Variants in PCDHA7 observed in about 807,000 individuals in gnomAD.
PCDHA7 encodes protocadherin alpha 7.
Under a neutral mutation model 57.2 loss-of-function variants are expected in PCDHA7, and 37 were observed. The ratio of observed to expected loss-of-function variants is 0.65; its 90% CI spans 0.50 to 0.85. The LOEUF (loss-of-function observed/expected upper bound fraction) is 0.85, where lower values mean the gene tolerates loss of function less well. Ranked by LOEUF, PCDHA7 falls within the 40% of genes least tolerant of loss-of-function variation. The pLI is 0.00. For synonymous variants in PCDHA7, 553 were observed against 558.8 expected (o/e 0.99, Z 0.15); for missense variants, 1,188 against 1,241.8 (o/e 0.96, Z 0.65).
At chr5:140,869,521 C>G (rs782236624) in intron 1 of PCDHA7, 1 of 1,614,182 alleles carries the variant, frequency 6.2e-7, no homozygotes, top group Non-Finnish European at 8.5e-7. Context: ...AGAACAAAAG[C>G]TGCTGATTGC....
rs2052689459 is a variant in PCDHA7, at chr5:140,871,081, G to T, written c.2355+34343G>T. 9 of 1,613,214 alleles carry T rather than the reference G, an allele frequency of 5.6e-6. No homozygotes were observed. The African/African-American group carries it at 6.7e-5, about 12-fold the overall frequency. On this transcript the variant is annotated intron_variant, in intron 1 of 3. Coordinates refer to ENST00000525929, the MANE Select transcript of PCDHA7 (RefSeq NM_018910.3). ...GGATCACGGTGAGCCGGCGCTGACG[G>T]CCACGGCCACCGTGCTGGTGTCGTT... is the stretch of plus-strand genomic sequence containing the variant.
intron 1 of PCDHA7, among the ~76,000 whole-genome samples, chr5:140,933,676 A>AT (rs1400784175): frequency 6.6e-6 from 1 of 151,552 alleles, no homozygotes; most frequent in Non-Finnish European, 1.5e-5. Context: ...TCTCTCTCAC[A>AT]TTTTTTTTCC....
At chr5:140,969,091 G>A (rs1554231442) in intron 1 of PCDHA7, 3 of 1,614,152 alleles carry the variant, frequency 1.9e-6, no homozygotes, top group Admixed American at 1.7e-5. Context: ...TCAAAGTGCA[G>A]CCTCACTTCA....
At chr5:140,871,113 G>A (rs782238733) in intron 1 of PCDHA7, 24 of 1,613,188 alleles carry the variant, frequency 1.5e-5, no homozygotes, top group South Asian at 7.7e-5. Flanking sequence ...CGTTGGTGGA[G>A]AGCGGACAGG....
At chr5:140,863,693 C>G (rs2048122696) in intron 1 of PCDHA7, 2 of 301,444 alleles carry the variant, frequency 6.6e-6, no homozygotes, top group African/African-American at 2.2e-5. Flanking sequence ...TTTTGAGATG[C>G]TTTATTTAAA....
At chr5:140,869,725 C>T (rs1326402140) in intron 1 of PCDHA7, 1 of 1,613,284 alleles carries the variant, frequency 6.2e-7, no homozygotes, top group Non-Finnish European at 8.5e-7. Flanking sequence ...AACTCCGGAA[C>T]TTAATTTGCT....
Position 140,841,444 on chromosome 5 carries a change from C to A in PCDHA7, c.2355+4706C>A, listed in dbSNP as rs2150315677. 7.4e-6 allele frequency: 12 copies of A among 1,612,806 alleles called. No individual in the cohort carries two copies. In the South Asian group the frequency reaches 8.8e-5, roughly 12 times the overall value. On this transcript the variant is annotated intron_variant, in intron 1 of 3. Coordinates refer to ENST00000525929, the MANE Select transcript of PCDHA7 (RefSeq NM_018910.3). ...ACTCCGTCCCCGAGGAGGCCAAACA[C>A]GGCACCTTCGTGGGCCGGATCGCGC... is the stretch of plus-strand genomic sequence containing the variant.
chr5:140,976,819 T>C (rs1380206599), intron 1 of PCDHA7, among the ~76,000 whole-genome samples: 3 of 152,222 alleles, frequency 2.0e-5, no homozygotes, highest in Admixed American at 2.0e-4. Flanking sequence ...TATGCATGTG[T>C]CTAATGAGCA....
chr5:140,863,488 A>G (rs1554158271), intron 1 of PCDHA7: 1 of 451,898 alleles, frequency 2.2e-6, no homozygotes, highest in Admixed American at 2.5e-5. Context: ...CCCAAGGTCA[A>G]CATTACGGCT....
At chr5:140,972,708 G>C (rs1309799075) in intron 1 of PCDHA7, among the ~76,000 whole-genome samples, 1 of 146,140 alleles carries the variant, frequency 6.8e-6, no homozygotes, top group East Asian at 2.0e-4. Context: ...TCTGTTGCCA[G>C]GCTGGAGTGC....
At chr5:140,877,655 C>T (rs868936879) in intron 1 of PCDHA7, 4 of 1,613,562 alleles carry the variant, frequency 2.5e-6, no homozygotes, top group South Asian at 2.2e-5. Context: ...GCGCCGCCCA[C>T]CGTGAGCCGG....
intron 1 of PCDHA7, among the ~76,000 whole-genome samples, chr5:140,916,018 T>C (rs550604062): frequency 6.6e-6 from 1 of 152,254 alleles, no homozygotes; most frequent in East Asian, 1.9e-4. Flanking sequence ...ACAAAGTCTT[T>C]CCCATTCTTC....
chr5:140,850,756 G>A (rs2150497273), intron 1 of PCDHA7: 1 of 1,598,098 alleles, frequency 6.3e-7, no homozygotes, highest in Non-Finnish European at 8.6e-7. Context: ...TCGCAGCAGA[G>A]GAGGCAGAGG....
intron 1 of PCDHA7, chr5:140,847,315 A>C (rs2150398811): frequency 1.3e-5 from 2 of 149,940 alleles, no homozygotes; most frequent in Non-Finnish European, 3.0e-5. Context: ...AATCAAGGAC[A>C]GAAGCAATTG....
intron 1 of PCDHA7, chr5:140,843,080 G>A (rs1554139718): frequency 2.5e-6 from 4 of 1,595,426 alleles, no homozygotes; most frequent in African/African-American, 2.7e-5. Context: ...GTCTGTGGGC[G>A]CGGGCCACGT....
intron 3 of PCDHA7, among the ~76,000 whole-genome samples, chr5:140,999,845 T>C (rs1293721817): frequency 6.6e-6 from 1 of 152,188 alleles, no homozygotes; most frequent in African/African-American, 2.4e-5. Context: ...CAAGTGTATT[T>C]ATCTCTTCCG....
Position 140,835,520 on chromosome 5 carries a change from T to G in PCDHA7, c.1137T>G (p.Phe379Leu). Residue 379 changes from phenylalanine (F) to leucine (L), a missense_variant, in exon 1 of 4, where the codon TTT becomes TTG. This residue lies in a region of PCDHA7 where 892 missense variants were observed against 788.5 expected (regional missense o/e 1.13). Coordinates refer to ENST00000525929, the MANE Select transcript of PCDHA7 (RefSeq NM_018910.3). ...TGATTAGCGTGTTTGACCGAGATTT[T>G]GGAGTCAACGGACAGGTTACCTGCT... ...ITLISVFDRD[F>L]GVNGQVTCSL... 4 of 1,613,956 alleles carry G rather than the reference T, an allele frequency of 2.5e-6. No homozygotes were observed. Among genetic ancestry groups the G allele is most frequent in the Non-Finnish European group, 3.4e-6 (4 of 1,179,884 alleles).
intron 3 of PCDHA7, among the ~76,000 whole-genome samples, chr5:140,991,325 G>C (rs899183687): frequency 3.3e-5 from 5 of 152,184 alleles, no homozygotes; most frequent in Non-Finnish European, 5.9e-5. Flanking sequence ...GATACATGAA[G>C]GGAATAGCTT....
intron 1 of PCDHA7, among the ~76,000 whole-genome samples, chr5:140,838,108 GT>G (rs1775540163): frequency 6.7e-6 from 1 of 149,734 alleles, no homozygotes; most frequent in Admixed American, 6.7e-5. Flanking sequence ...GTGTGTGTGT[GT>G]GTGTGTGTGT....
Sources: allele counts gnomAD v4.1 joint callset (sites outside exome capture counted in the v4.1 genomes callset), GRCh38; gene constraint gnomAD v4.1.1; regional missense constraint gnomAD v4.1.1; transcripts MANE v1.5; gene names NCBI Gene and HGNC (gene_info 2026-07-23, HGNC 2026-07-21).